The following CTNNA3 variants were observed in gnomAD, a reference collection of about 807,000 sequenced individuals.
The protein encoded by CTNNA3 is catenin alpha-3.
CTNNA3 carries 76 observed loss-of-function variants against 95.7 expected under a neutral mutation model. The ratio of observed to expected loss-of-function variants is 0.79; its 90% confidence interval spans 0.66 to 0.96. CTNNA3 has a LOEUF of 0.96. Ranked by LOEUF, CTNNA3 falls within the 40% of genes least tolerant of loss-of-function variation. The pLI, the probability that CTNNA3 is intolerant of heterozygous loss-of-function variation, is 0.00. For synonymous variants in CTNNA3, 431 were observed against 374.4 expected (o/e 1.15, Z -1.74); for missense variants, 1,191 against 1,089.8 (o/e 1.09, Z -1.31).
chr10:67,453,672 C>T (rs1178291999), intron 5 of CTNNA3, among the ~76,000 whole-genome samples: 2 of 152,218 alleles, frequency 1.3e-5, no homozygotes, highest in East Asian at 3.9e-4. Context: ...TTAATAAATG[C>T]AGAACAGTCT....
intron 5 of CTNNA3, among the ~76,000 whole-genome samples, chr10:67,380,979 A>G (rs543514419): frequency 3.0e-4 from 45 of 152,256 alleles, no homozygotes; most frequent in African/African-American, 1.0e-3. Context: ...CCATATAACA[A>G]ATCTATTGCC....
chr10:66,347,738 T>C (rs4459177), intron 12 of CTNNA3, among the ~76,000 whole-genome samples: 89,525 of 151,684 alleles, frequency 0.59, 28,748 homozygotes, highest in Non-Finnish European at 0.72. Context: ...GATTAGTGAA[T>C]TGGAAAAGTT....
At chr10:67,466,088 C>T (rs933572184) in intron 5 of CTNNA3, among the ~76,000 whole-genome samples, 1 of 152,052 alleles carries the variant, frequency 6.6e-6, no homozygotes. Context: ...TAATTGTACA[C>T]AATTATCAAA....
intron 16 of CTNNA3, among the ~76,000 whole-genome samples, chr10:65,976,497 T>G (rs574401914): frequency 6.6e-6 from 1 of 152,292 alleles, no homozygotes; most frequent in African/African-American, 2.4e-5. Flanking sequence ...GAAAATGATC[T>G]TTTGAAATTC....
chr10:67,517,993 A>G (rs895211924), intron 5 of CTNNA3, among the ~76,000 whole-genome samples: 1 of 152,078 alleles, frequency 6.6e-6, no homozygotes, highest in Admixed American at 6.6e-5. Flanking sequence ...TACTAAACAC[A>G]TGTCAGGTGC....
chr10:67,485,435 C>T (rs1261522736), intron 5 of CTNNA3, among the ~76,000 whole-genome samples: 1 of 152,082 alleles, frequency 6.6e-6, no homozygotes, highest in African/African-American at 2.4e-5. Flanking sequence ...TAGCCCAAAC[C>T]TTAGCAGCTT....
chr10:67,490,537 C>T (rs939900539), intron 5 of CTNNA3, among the ~76,000 whole-genome samples: 13 of 152,292 alleles, frequency 8.5e-5, no homozygotes, highest in African/African-American at 2.9e-4. Flanking sequence ...TCTCACCCTT[C>T]TGGTGCAAGC....
intron 5 of CTNNA3, among the ~76,000 whole-genome samples, chr10:67,433,267 T>C (rs1001615693): frequency 6.6e-6 from 1 of 151,986 alleles, no homozygotes; most frequent in Non-Finnish European, 1.5e-5. Context: ...GGCTGGTTAG[T>C]AGAGCAGTCA....
rs765850926 is a variant in CTNNA3, at chr10:65,988,710, A to G, written c.2247T>C (p.Ala749=). Residue 749 remains alanine, a synonymous_variant, in exon 16 of 18, where the codon GCT becomes GCC. Coordinates refer to ENST00000433211, the MANE Select transcript of CTNNA3 (RefSeq NM_013266.4). ...AACTCACCTGATTAGCAATCTGCCG[A>G]GCAAGGACATCCATCCTTGATCCTG... ...SESGSRMDVL[A]RQIANQCPDP... is the part of the protein sequence containing the mutation. 1 of 1,613,810 alleles carries G rather than the reference A, an allele frequency of 6.2e-7. No homozygotes were observed. The highest frequency in any genetic ancestry group is 1.1e-5 in the South Asian group (1 of 91,074).
intron 7 of CTNNA3, among the ~76,000 whole-genome samples, chr10:66,890,658 C>T (rs893933277): frequency 1.3e-5 from 2 of 151,890 alleles, no homozygotes; most frequent in Admixed American, 6.6e-5. Flanking sequence ...TGATGGATAC[C>T]GACAAAACAT....
chr10:66,895,054 C>CAAAAAAAA (rs537843933), intron 7 of CTNNA3, among the ~76,000 whole-genome samples: 139 of 115,350 alleles, frequency 1.2e-3, no homozygotes, highest in African/African-American at 1.7e-3. Context: ...AACAAATAAA[C>CAAAAAAAA]AAAAAAAAAA....
chr10:66,216,590 A>T (rs1033741351), intron 13 of CTNNA3, among the ~76,000 whole-genome samples: 4 of 152,224 alleles, frequency 2.6e-5, no homozygotes, highest in African/African-American at 9.6e-5. Context: ...TTTTTAAAAA[A>T]CTAACATAAA....
chr10:66,805,356 G>A (rs1479150994), intron 7 of CTNNA3, among the ~76,000 whole-genome samples: 2 of 151,020 alleles, frequency 1.3e-5, no homozygotes, highest in African/African-American at 4.9e-5. Flanking sequence ...CACAGCTAAT[G>A]TTCAGTTTTA....
chr10:67,169,336 T>A (rs184178715), intron 7 of CTNNA3, among the ~76,000 whole-genome samples: 3 of 151,294 alleles, frequency 2.0e-5, no homozygotes. Context: ...AAGGCAATCC[T>A]AAGCAAAAAA....
chr10:67,530,396 G>A (rs1454344231), intron 4 of CTNNA3, among the ~76,000 whole-genome samples: 1 of 152,216 alleles, frequency 6.6e-6, no homozygotes. Flanking sequence ...GTCTCAGCTG[G>A]AAATGAGGAA....
At chr10:66,495,133 A>ATAT (rs555101763) in intron 11 of CTNNA3, among the ~76,000 whole-genome samples, 38 of 152,210 alleles carry the variant, frequency 2.5e-4, no homozygotes, top group Non-Finnish European at 5.0e-4. Flanking sequence ...ATTTATCAGT[A>ATAT]TATTAACATA....
chr10:66,763,732 A>G (rs902432145), intron 9 of CTNNA3, among the ~76,000 whole-genome samples: 1 of 152,166 alleles, frequency 6.6e-6, no homozygotes, highest in South Asian at 2.1e-4. Context: ...TGCATTTGGG[A>G]CTTCTCATCT....
At chr10:67,596,928 A>G (rs972262932) in intron 3 of CTNNA3, among the ~76,000 whole-genome samples, 1 of 152,172 alleles carries the variant, frequency 6.6e-6, no homozygotes, top group African/African-American at 2.4e-5. Flanking sequence ...GTCTCTTTAC[A>G]TAATCCCATA....
At chr10:66,186,449 T>G (rs932100017) in intron 13 of CTNNA3, among the ~76,000 whole-genome samples, 23 of 152,100 alleles carry the variant, frequency 1.5e-4, no homozygotes, top group African/African-American at 5.3e-4. Context: ...GCTTAAAATG[T>G]GTATGCTTAA....
Sources: gnomAD v4.1 joint callset for allele counts (sites outside exome capture counted in the v4.1 genomes callset) on GRCh38, gnomAD v4.1.1 for gene constraint, MANE v1.5 for transcripts, NCBI Gene and HGNC (gene_info 2026-07-23, HGNC 2026-07-21) for gene names.